The following PROM1 variants were observed in gnomAD, a reference collection of about 807,000 sequenced individuals.
PROM1 encodes the protein prominin 1.
Under a neutral mutation model 116.9 loss-of-function variants are expected in PROM1, and 105 were observed. The ratio of observed to expected loss-of-function variants is 0.90; its 90% confidence interval spans 0.77 to 1.06. The LOEUF (loss-of-function observed/expected upper bound fraction) is 1.06. PROM1 is among the 50% of genes least tolerant of loss of function. The pLI is 0.00. For synonymous variants in PROM1, 393 were observed against 387.0 expected, an observed-to-expected ratio of 1.02 and a Z score of -0.18; for missense variants, 1,122 against 1,045.2, an observed-to-expected ratio of 1.07 and a Z score of -1.01.
chr4:16,061,656 A>G (rs1056494628), intron 2 of PROM1, among the ~76,000 whole-genome samples: 1 of 152,086 alleles, frequency 6.6e-6, no homozygotes, highest in African/African-American at 2.4e-5. Flanking sequence ...TATGGGGTGA[A>G]TTAGTTTTCT....
At position 16,038,975 on chromosome 4, in the gene PROM1, C is replaced by A; in HGVS notation, c.247G>T (p.Ala83Ser). 2.0e-6 allele frequency: 3 copies of A among 1,498,692 alleles called. No individual in the cohort carries two copies. Among genetic ancestry groups the A allele is most frequent in the South Asian group, 1.4e-5 (1 of 70,552 alleles). The allele number at this position is 1,498,692 out of a possible 1,614,324, so 92.8% of individuals were successfully genotyped here. Residue 83 changes from alanine to serine, a missense_variant, in exon 3 of 28, where the codon GCA becomes TCA. Transcript: ENST00000447510. ...TCATAATCAATTTTGGATTCATATGCCTTCTGTAAGAATTTTCTCAAAGTA... is the reference window on the plus strand; with the variant it reads ...TCATAATCAATTTTGGATTCATATGACTTCTGTAAGAATTTTCTCAAAGTA... ...EDTLRKFLQKAYESKIDYDKP... is the reference protein window; with the variant it reads ...EDTLRKFLQKSYESKIDYDKP...
chr4:15,997,363 C>T (rs988293352), intron 15 of PROM1, among the ~76,000 whole-genome samples: 1 of 147,224 alleles, frequency 6.8e-6, no homozygotes, highest in Non-Finnish European at 1.5e-5. Context: ...TGTGTAGTGT[C>T]TGCTTTTGCC....
At chr4:16,004,195 T>C (rs149042774) in intron 13 of PROM1, among the ~76,000 whole-genome samples, 5 of 152,308 alleles carry the variant, frequency 3.3e-5, no homozygotes, top group African/African-American at 1.2e-4. Flanking sequence ...ACTGGTTGCA[T>C]TCAACAATAA....
At chr4:16,058,546 C>T (rs1439999972) in intron 2 of PROM1, among the ~76,000 whole-genome samples, 1 of 151,598 alleles carries the variant, frequency 6.6e-6, no homozygotes, top group Non-Finnish European at 1.5e-5. Context: ...ACTGAGGAGG[C>T]TGAGGCAGGA....
At chr4:16,025,493 C>G (rs922462135) in intron 5 of PROM1, among the ~76,000 whole-genome samples, 181 bp from the exon 6 acceptor site, 1 of 152,188 alleles carries the variant, frequency 6.6e-6, no homozygotes. Flanking sequence ...CCACCACCCA[C>G]GTAGGGGCTA....
intron 2 of PROM1, among the ~76,000 whole-genome samples, chr4:16,051,632 T>A (rs1737918952): frequency 6.6e-6 from 1 of 152,186 alleles, no homozygotes; most frequent in Non-Finnish European, 1.5e-5. Context: ...ATGTGCTTTG[T>A]GAGTTCAGAC....
intron 1 of PROM1, among the ~76,000 whole-genome samples, chr4:16,082,825 G>A (rs1204018232): frequency 6.6e-6 from 1 of 152,074 alleles, no homozygotes; most frequent in Admixed American, 6.6e-5. Flanking sequence ...TCCAGACACG[G>A]GCTTTCGGGG....
chr4:16,060,972 AG>A (rs1021542452), intron 2 of PROM1, among the ~76,000 whole-genome samples: 1 of 152,200 alleles, frequency 6.6e-6, no homozygotes, highest in East Asian at 1.9e-4. Context: ...CATCACACAA[AG>A]TGTTCCTCAT....
chr4:15,981,427 C>T (rs981681004), intron 23 of PROM1, among the ~76,000 whole-genome samples: 58 of 151,916 alleles, frequency 3.8e-4, no homozygotes, highest in African/African-American at 1.3e-3. Flanking sequence ...AAAAAATTAG[C>T]CAGGCATGGT....
chr4:16,050,153 C>T (rs371999241), intron 2 of PROM1, among the ~76,000 whole-genome samples: 5 of 151,234 alleles, frequency 3.3e-5, no homozygotes, highest in African/African-American at 4.9e-5. Flanking sequence ...CCCAGCTACT[C>T]GGGAGGCTGA....
intron 26 of PROM1, among the ~76,000 whole-genome samples, chr4:15,972,992 C>T (rs954311576): frequency 3.3e-5 from 5 of 152,090 alleles, no homozygotes; most frequent in Non-Finnish European, 1.5e-5. Flanking sequence ...TCCTGGCCCC[C>T]GAAGAACCTG....
chr4:16,027,329 T>C (rs1731583625), intron 5 of PROM1, among the ~76,000 whole-genome samples: 1 of 111,554 alleles, frequency 9.0e-6, no homozygotes, highest in South Asian at 3.0e-4. Context: ...CACACAAAAG[T>C]TGAGTCAGCA....
chr4:16,056,487 C>T (rs1251797483), intron 2 of PROM1, among the ~76,000 whole-genome samples: 6 of 151,938 alleles, frequency 3.9e-5, no homozygotes, highest in Non-Finnish European at 7.4e-5. Context: ...GTGTTCCCCT[C>T]TTCAAGATGT....
chr4:16,059,788 A>T (rs893108087), intron 2 of PROM1, among the ~76,000 whole-genome samples: 10 of 152,202 alleles, frequency 6.6e-5, no homozygotes, highest in African/African-American at 2.4e-4. Context: ...AATAACTAAA[A>T]TAATTTATAA....
rs1274817047 is a variant in PROM1, at chr4:15,987,649, A to T, written c.2130+14T>A. On this transcript the variant is annotated intron_variant, in intron 20 of 27. Coordinates refer to ENST00000447510, the MANE Select transcript of PROM1 (RefSeq NM_006017.3). ...TAACAAAACCCCATGACAGAAAACAAAGTAAACCCTTACCAACAATCCATT... is the reference window on the plus strand; with the variant it reads ...TAACAAAACCCCATGACAGAAAACATAGTAAACCCTTACCAACAATCCATT... 2.5e-6 allele frequency: 4 copies of T among 1,607,806 alleles called. No homozygotes were observed. The highest frequency in any genetic ancestry group is 3.4e-6 in the Non-Finnish European group (4 of 1,177,004).
intron 10 of PROM1, among the ~76,000 whole-genome samples, chr4:16,013,846 C>T (rs1727568757): frequency 6.6e-6 from 1 of 152,052 alleles, no homozygotes; most frequent in South Asian, 2.1e-4. Flanking sequence ...GGTTAAGAGA[C>T]ACTGATCGGT....
intron 19 of PROM1, 78 bp downstream of exon 19, chr4:15,989,654 G>A: frequency 2.5e-6 from 3 of 1,193,216 alleles, no homozygotes; most frequent in South Asian, 2.6e-5. Flanking sequence ...CATGTGTCGT[G>A]AGGCTAAATG....
At chr4:15,978,825 G>A (rs1716924441) in intron 26 of PROM1, among the ~76,000 whole-genome samples, 2 of 152,228 alleles carry the variant, frequency 1.3e-5, no homozygotes, top group Admixed American at 1.3e-4. Context: ...AGCCTCAGAA[G>A]AGGACCGACC....
intron 19 of PROM1, among the ~76,000 whole-genome samples, chr4:15,989,018 G>A (rs766692780): frequency 2.0e-5 from 3 of 151,950 alleles, no homozygotes; most frequent in South Asian, 2.1e-4. Context: ...CTACAAATAC[G>A]GCCCACACAC....
Sources: gnomAD v4.1 joint callset for allele counts (sites outside exome capture counted in the v4.1 genomes callset) on GRCh38, gnomAD v4.1.1 for gene constraint, MANE v1.5 for transcripts, NCBI Gene and HGNC (gene_info 2026-07-23, HGNC 2026-07-21) for gene names.